MCPH1: variants seen among roughly 807,000 people sequenced by gnomAD.
The protein encoded by MCPH1 is microcephalin 1.
MCPH1 carries 104 observed loss-of-function variants against 84.5 expected under a neutral mutation model. The observed-to-expected ratio is 1.23, with a 90% CI of 1.05 to 1.45. The LOEUF (loss-of-function observed/expected upper bound fraction) is 1.45. MCPH1 is among the 40% of genes most tolerant of loss of function. MCPH1 has a pLI of 0.00. For missense variants in MCPH1, 1,498 were observed against 1,005.7 expected (o/e 1.49, Z -6.62); for synonymous variants, 514 against 366.8 (o/e 1.40, Z -4.58).
At chr8:6,478,808 C>G (rs1236420047) in intron 10 of MCPH1, among the ~76,000 whole-genome samples, 1 of 152,152 alleles carries the variant, frequency 6.6e-6, no homozygotes, top group Non-Finnish European at 1.5e-5. Flanking sequence ...GACTCAAGCA[C>G]ACATTCTCGG....
At chr8:6,620,043 G>C (rs1370656301) in intron 12 of MCPH1, 1 of 152,144 alleles carries the variant, frequency 6.6e-6, no homozygotes, top group African/African-American at 2.4e-5. Context: ...CAAATCTCTT[G>C]CCTTGCATCA....
intron 12 of MCPH1, chr8:6,620,065 T>C (rs970991941): frequency 2.0e-5 from 3 of 152,142 alleles, no homozygotes; most frequent in Non-Finnish European, 2.9e-5. Context: ...CTCAGTCTCT[T>C]TGTCTGCAAA....
chr8:6,433,817 C>G (rs763435023), intron 4 of MCPH1, among the ~76,000 whole-genome samples: 1 of 151,912 alleles, frequency 6.6e-6, no homozygotes, highest in Non-Finnish European at 1.5e-5. Context: ...AAATTAAACC[C>G]GACTCAAGGC....
rs1461712080 is a variant in MCPH1 at position 6,482,572 on chromosome 8, G to T, written c.2136+1696G>T. 2.0e-5 allele frequency among the ~76,000 whole-genome samples: 3 copies of T among 152,222 alleles called. No individual in the cohort carries two copies. In the East Asian group the frequency reaches 5.8e-4, roughly 29 times the overall value. On this transcript the variant is annotated intron_variant, in intron 11 of 13. Transcript: ENST00000344683. Reference sequence around the variant, plus strand: ...GAAAAAATGTTATTTCTAAGGATATGCATCTGTACAGGATTCCTTACCCAA... The same window carrying T: ...GAAAAAATGTTATTTCTAAGGATATTCATCTGTACAGGATTCCTTACCCAA...
rs1831435214 is a variant in MCPH1 at position 6,621,672 on chromosome 8, G to A, written c.2433G>A (p.Leu811=). 6 of 1,614,224 alleles carry A rather than the reference G, an allele frequency of 3.7e-6. No homozygotes were observed. The highest frequency in any genetic ancestry group is 5.1e-6 in the Non-Finnish European group (6 of 1,180,046). The change falls in exon 13 of 14, where the codon CTG becomes CTA. Residue 811 remains leucine, a synonymous_variant. Transcript: ENST00000344683. ...AGAAGAAAGCCACAGTCAAGTATCT[G>A]TCTGAGAAATGGGTCTTAGGTAAGA... ...SGKKKATVKY[L]SEKWVLDSIT...
intron 11 of MCPH1, among the ~76,000 whole-genome samples, chr8:6,490,989 AT>A (rs1462643075): frequency 1.3e-5 from 2 of 149,078 alleles, no homozygotes; most frequent in East Asian, 1.9e-4. Flanking sequence ...ATTATTTAAT[AT>A]TAATATTAAA....
intron 8 of MCPH1, among the ~76,000 whole-genome samples, chr8:6,448,066 T>C (rs938018443): frequency 6.6e-6 from 1 of 152,128 alleles, no homozygotes. Flanking sequence ...CTCTTCAAGT[T>C]TGTGGGGACA....
chr8:6,464,807 G>A (rs1806670103), intron 9 of MCPH1, among the ~76,000 whole-genome samples: 1 of 152,176 alleles, frequency 6.6e-6, no homozygotes, highest in African/African-American at 2.4e-5. Context: ...AGACCAGCCT[G>A]GCCAACATGG....
chr8:6,476,203 T>C (rs1808430596), intron 9 of MCPH1, among the ~76,000 whole-genome samples: 1 of 151,660 alleles, frequency 6.6e-6, no homozygotes, highest in South Asian at 2.1e-4. Context: ...CCGAGGTGGG[T>C]GGATCACCTG....
chr8:6,476,816 G>T (rs1006438135), intron 9 of MCPH1, among the ~76,000 whole-genome samples: 1 of 152,120 alleles, frequency 6.6e-6, no homozygotes, highest in Admixed American at 6.5e-5. Flanking sequence ...AATTACAAAA[G>T]TATATGAATA....
At chr8:6,480,940 A>C in intron 11 of MCPH1, 64 bp downstream of exon 11, 1 of 1,581,126 alleles carries the variant, frequency 6.3e-7, no homozygotes, top group South Asian at 1.1e-5. Flanking sequence ...GGTCACCCTG[A>C]GGTGCCGACA....
chr8:6,445,542 G>C lies in MCPH1; in HGVS notation c.1820G>C (p.Ser607Thr), dbSNP rs780036557. 2 of 1,584,170 alleles carry C rather than the reference G, an allele frequency of 1.3e-6. No homozygotes were observed. Among genetic ancestry groups the C allele is most frequent in the South Asian group, 2.3e-5 (2 of 85,730 alleles). The change falls in exon 8 of 14, where the codon AGT (serine) becomes ACT (threonine). Residue 607 changes from serine (S) to threonine (T), a missense_variant. Coordinates refer to ENST00000344683, the MANE Select transcript of MCPH1 (RefSeq NM_024596.5). The stretch of plus-strand genomic sequence containing the variant: ...AAGGAAAACTTACCCGGAGGATACA[G>C]TGGAAGTATGTGAATCTCCTTTTCC... ...EEKENLPGGYSGSVKNRPTRH... is the reference protein window; with the variant it reads ...EEKENLPGGYTGSVKNRPTRH...
intron 13 of MCPH1, 79 bp from the exon 14 acceptor site, chr8:6,642,915 A>C: frequency 7.7e-7 from 1 of 1,297,520 alleles, no homozygotes; most frequent in Non-Finnish European, 1.1e-6. Context: ...ATATAGTTTC[A>C]TGTATATACA....
chr8:6,407,544 T>G (rs1257231475), intron 1 of MCPH1, among the ~76,000 whole-genome samples: 2 of 152,148 alleles, frequency 1.3e-5, no homozygotes, highest in Admixed American at 1.3e-4. Flanking sequence ...TTGTAGAGTT[T>G]GACCGTGAGA....
At chr8:6,626,846 A>T in intron 13 of MCPH1, 1 of 985,054 alleles carries the variant, frequency 1.0e-6, no homozygotes. Context: ...TGCTGTTATC[A>T]CGAAAGGCTG....
At chr8:6,525,817 G>T (rs1262353276) in intron 12 of MCPH1, among the ~76,000 whole-genome samples, 4 of 152,214 alleles carry the variant, frequency 2.6e-5, no homozygotes, top group African/African-American at 7.2e-5. Context: ...TTCTACAGCT[G>T]ATGAGAAAAA....
intron 12 of MCPH1, among the ~76,000 whole-genome samples, chr8:6,597,563 C>G (rs17631156): frequency 0.07 from 10,718 of 152,192 alleles, 431 homozygotes; most frequent in Admixed American, 0.1. Flanking sequence ...TTCACCAGCT[C>G]GGCCAAGAGT....
intron 12 of MCPH1, among the ~76,000 whole-genome samples, chr8:6,560,519 C>T (rs1187819991): frequency 2.0e-5 from 3 of 152,114 alleles, no homozygotes; most frequent in South Asian, 2.1e-4. Flanking sequence ...AGCCGTAAAC[C>T]GAGCGAGAGT....
intron 11 of MCPH1, among the ~76,000 whole-genome samples, chr8:6,497,835 T>A (rs1203070711): frequency 6.6e-6 from 1 of 152,234 alleles, no homozygotes; most frequent in East Asian, 1.9e-4. Flanking sequence ...ATAGACACAT[T>A]AATATAATAG....
Sources: gnomAD v4.1 joint callset for allele counts (sites outside exome capture counted in the v4.1 genomes callset) on GRCh38, gnomAD v4.1.1 for gene constraint, MANE v1.5 for transcripts, NCBI Gene and HGNC (gene_info 2026-07-23, HGNC 2026-07-21) for gene names.